The following GPCPD1 variants were observed in gnomAD, a reference collection of about 807,000 sequenced individuals.
GPCPD1 encodes glycerophosphocholine phosphodiesterase GPCPD1.
In GPCPD1, 29 loss-of-function variants were observed where a neutral mutation model predicts 89.2. The observed-to-expected ratio is 0.33, with a 90% confidence interval of 0.24 to 0.44. The LOEUF is 0.44. Among genes scored for constraint, GPCPD1 ranks in the 20% least tolerant of loss-of-function variants. GPCPD1 has a pLI of 1.00. For missense variants in GPCPD1, 594 were observed against 808.9 expected (o/e 0.73, Z 3.22); for synonymous variants, 258 against 266.3 (o/e 0.97, Z 0.30).
At chr20:5,589,308 C>T (rs930869574) in intron 4 of GPCPD1, among the ~76,000 whole-genome samples, 2 of 152,088 alleles carry the variant, frequency 1.3e-5, no homozygotes, top group Admixed American at 6.6e-5. Context: ...TTCAGCTTTA[C>T]TTCTTTAAAA....
chr20:5,557,988 TTC>T lies in GPCPD1; in HGVS notation c.1784_1785del (p.Arg595LysfsTer9). On this transcript the variant is annotated frameshift_variant, in exon 19 of 20. Transcript: ENST00000379019. LOFTEE classifies it high-confidence loss of function. ...WGDDTNDPEN[R>X]RKLKELGVNG... ...TTAACTCCAAGTTCCTTCAATTTCC[TTC>T]TGTTTTCAGGATCATTGGTATCATC... 1 of 1,602,920 alleles carries T rather than the reference TTC, an allele frequency of 6.2e-7. No individual in the cohort carries two copies. The highest frequency in any genetic ancestry group is 8.5e-7 in the Non-Finnish European group (1 of 1,170,868).
chr20:5,579,981 C>A, intron 7 of GPCPD1, 27 bp downstream of exon 7: 1 of 1,450,418 alleles, frequency 6.9e-7, no homozygotes, highest in South Asian at 1.2e-5. Context: ...AACAAATAGC[C>A]TAAGTAACAC....
chr20:5,596,346 C>T (rs1329968635), intron 3 of GPCPD1, among the ~76,000 whole-genome samples: 2 of 152,044 alleles, frequency 1.3e-5, no homozygotes, highest in Non-Finnish European at 1.5e-5. Flanking sequence ...GAACCGAAAT[C>T]GTGTCATCGC....
rs1471080606 is a variant in GPCPD1 at position 5,603,184 on chromosome 20, T to C, written c.49+1180A>G. ...GATGGACACCTGTAATCCCAGCTAC[T>C]TGGGAGGCTGAGGCAGGAGAATTGC... On this transcript the variant is annotated intron_variant, in intron 2 of 19. Transcript: ENST00000379019. Among the ~76,000 whole-genome samples the C allele has an allele frequency of 3.9e-5, 6 of 151,936 alleles. No individual in the cohort carries two copies. The South Asian group carries it at 1.0e-3, about 26-fold the overall frequency.
At position 5,578,648 on chromosome 20, in the gene GPCPD1, G is replaced by A. The variant is rs774049859; in HGVS notation, c.474-37C>T. The A allele has an allele frequency of 3.1e-6, 4 of 1,304,278 alleles. No individual in the cohort carries two copies. The East Asian group carries it at 9.3e-5, about 30-fold the overall frequency. The allele number at this position is 1,304,278 out of a possible 1,614,324, so 80.8% of individuals were successfully genotyped here. A position where few individuals can be genotyped will look rare whatever the true frequency, so the allele number is the denominator to read the frequency against. ...ACAAAATAATGAGATGCAAGAAGTG[G>A]CAGAAAAGAAAAACTCATACAAATG... On this transcript the variant is annotated intron_variant, in intron 7 of 19. Transcript: ENST00000379019.
intron 6 of GPCPD1, among the ~76,000 whole-genome samples, chr20:5,580,451 CAT>C (rs1978380223): frequency 1.3e-5 from 2 of 152,006 alleles, no homozygotes; most frequent in Admixed American, 6.6e-5. Flanking sequence ...GCCGGGCGGG[CAT>C]GGTGGCTCAC....
intron 2 of GPCPD1, among the ~76,000 whole-genome samples, chr20:5,603,203 G>A (rs1000976326): frequency 1.3e-5 from 2 of 152,086 alleles, no homozygotes; most frequent in African/African-American, 4.8e-5. Context: ...TGAGGCAGGA[G>A]AATTGCTTAA....
intron 19 of GPCPD1, chr20:5,549,226 C>A: frequency 1.4e-6 from 1 of 736,186 alleles, no homozygotes; most frequent in Non-Finnish European, 2.4e-6. Context: ...TGGCTAGAGA[C>A]TCTACTGTGT....
chr20:5,597,627 T>C (rs1979823951), intron 3 of GPCPD1, among the ~76,000 whole-genome samples: 1 of 152,146 alleles, frequency 6.6e-6, no homozygotes, highest in Admixed American at 6.6e-5. Flanking sequence ...GATATACTTG[T>C]ATGCTATTTA....
intron 3 of GPCPD1, 51 bp downstream of exon 3, chr20:5,598,674 T>A (rs769354997): frequency 9.4e-7 from 1 of 1,060,228 alleles, no homozygotes; most frequent in Non-Finnish European, 1.5e-6. Flanking sequence ...GCCCCTAACA[T>A]CATAAGGTTA....
chr20:5,552,565 T>C (rs190781641), intron 19 of GPCPD1, among the ~76,000 whole-genome samples: 2 of 152,354 alleles, frequency 1.3e-5, no homozygotes, highest in East Asian at 1.9e-4. Context: ...CAGAAAATAT[T>C]TGTAATCATT....
chr20:5,573,086 C>CTT (rs201953819), intron 11 of GPCPD1, among the ~76,000 whole-genome samples: 116 of 144,200 alleles, frequency 8.0e-4, no homozygotes, highest in South Asian at 1.3e-3. Context: ...ATCTTTCCTT[C>CTT]TTTTTTTTTT....
chr20:5,603,123 T>C (rs1242027721), intron 2 of GPCPD1, among the ~76,000 whole-genome samples: 2 of 151,668 alleles, frequency 1.3e-5, no homozygotes, highest in Non-Finnish European at 2.9e-5. Context: ...TGAAACCCTG[T>C]CTCTACTAAA....
At chr20:5,564,943 A>T in intron 15 of GPCPD1, 74 bp downstream of exon 15, 1 of 783,468 alleles carries the variant, frequency 1.3e-6, no homozygotes, top group South Asian at 1.5e-5. Context: ...GGATCCTTTT[A>T]AGAAACAAAA....
At chr20:5,578,680 A>C in intron 7 of GPCPD1, 69 bp from the exon 8 acceptor site, 1 of 941,350 alleles carries the variant, frequency 1.1e-6, no homozygotes, top group Non-Finnish European at 1.7e-6. Flanking sequence ...AATGTTGCCT[A>C]AATTCTACAT....
intron 14 of GPCPD1, among the ~76,000 whole-genome samples, chr20:5,566,395 C>T (rs1986395604): frequency 1.3e-5 from 2 of 152,178 alleles, no homozygotes; most frequent in Non-Finnish European, 1.5e-5. Flanking sequence ...ACGGTCATAA[C>T]AGGTAAATGA....
intron 10 of GPCPD1, among the ~76,000 whole-genome samples, chr20:5,574,961 T>C (rs1367152324): frequency 2.0e-5 from 3 of 152,228 alleles, no homozygotes; most frequent in African/African-American, 7.2e-5. Context: ...TATTCCAGGC[T>C]ACAATCTAAT....
In GPCPD1 at chr20:5,570,225, T is replaced by C; in HGVS notation, c.1071A>G (p.Val357=). The change falls in exon 12 of 20, where the codon GTA becomes GTG. Residue 357 remains valine, a synonymous_variant. Coordinates refer to ENST00000379019, the MANE Select transcript of GPCPD1 (RefSeq NM_019593.5). ...CCTTTGAAAGGTGTACGTCAAATTC[T>C]ACAAAGGCTGCACCCTGACAGAAGG... ...RNAASHGAAF[V]EFDVHLSKDF... is the part of the protein sequence containing the mutation. The C allele has an allele frequency of 6.4e-7, 1 of 1,572,096 alleles. No homozygotes were observed. The highest frequency in any genetic ancestry group is 1.3e-5 in the African/African-American group (1 of 74,134).
intron 8 of GPCPD1, among the ~76,000 whole-genome samples, chr20:5,577,153 C>CT (rs1392729924): frequency 4.0e-5 from 6 of 149,452 alleles, no homozygotes; most frequent in Non-Finnish European, 8.9e-5. Context: ...CAACCTCCGC[C>CT]TCCCAGGTTC....
Sources: allele counts gnomAD v4.1 joint callset (sites outside exome capture counted in the v4.1 genomes callset), GRCh38; gene constraint gnomAD v4.1.1; transcripts MANE v1.5; gene names NCBI Gene and HGNC (gene_info 2026-07-23, HGNC 2026-07-21).